The following SPAG16 variants were observed in gnomAD, a reference collection of about 807,000 sequenced individuals.
The protein encoded by SPAG16 is sperm-associated antigen 16 protein.
A neutral mutation model predicts 80.4 loss-of-function variants in SPAG16; 86 were observed. The observed-to-expected ratio is 1.07, with a 90% CI of 0.90 to 1.28. The LOEUF (loss-of-function observed/expected upper bound fraction) is 1.28. SPAG16 is among the 50% of genes most tolerant of loss of function. SPAG16 has a pLI of 0.00. For missense variants in SPAG16, 870 were observed against 765.3 expected, an observed-to-expected ratio of 1.14 and a Z score of -1.61; for synonymous variants, 294 against 265.9, an observed-to-expected ratio of 1.11 and a Z score of -1.03.
intron 13 of SPAG16, among the ~76,000 whole-genome samples, chr2:214,088,877 A>C (rs1318138171): frequency 6.6e-6 from 1 of 152,132 alleles, no homozygotes; most frequent in African/African-American, 2.4e-5. Context: ...CTAGTATAAC[A>C]ATGATACTAA....
At chr2:213,825,447 T>G (rs1455529026) in intron 10 of SPAG16, among the ~76,000 whole-genome samples, 1 of 152,124 alleles carries the variant, frequency 6.6e-6, no homozygotes, top group Non-Finnish European at 1.5e-5. Context: ...ATGTTGAATT[T>G]TATCAAATAC....
At position 214,012,282 on chromosome 2, in the gene SPAG16, A is replaced by ATTTTT. The variant is rs1286363943; in HGVS notation, c.1401-1668_1401-1667insTTTTT. On this transcript the variant is annotated intron_variant, in intron 12 of 15. Transcript: ENST00000331683. ...TACATATATATATATATATATATAT[A>ATTTTT]TATATATTTTTTTTTTTTTTTTTTT... 1.9e-3 allele frequency among the ~76,000 whole-genome samples: 94 copies of ATTTTT among 50,670 alleles called. 1 individual carries two copies. Among genetic ancestry groups the ATTTTT allele is most frequent in the East Asian group, 3.8e-3 (6 of 1,596 alleles). The allele number at this position is 50,670 out of a possible 152,430, so 33.2% of individuals were successfully genotyped here. A position where few individuals can be genotyped will look rare whatever the true frequency, so the allele number is the denominator to read the frequency against.
chr2:214,119,346 A>G (rs1234968832), intron 14 of SPAG16, among the ~76,000 whole-genome samples: 4 of 152,176 alleles, frequency 2.6e-5, no homozygotes, highest in African/African-American at 9.6e-5. Context: ...AAGGAACTAT[A>G]AAAGCTACTT....
intron 10 of SPAG16, among the ~76,000 whole-genome samples, chr2:213,588,499 T>C (rs2060547701): frequency 1.3e-5 from 2 of 151,676 alleles, no homozygotes; most frequent in African/African-American, 4.8e-5. Flanking sequence ...ATAGTGATAT[T>C]GTGATAAGAC....
Position 213,852,013 on chromosome 2 carries a change from A to T in SPAG16, c.1071-10472A>T, listed in dbSNP as rs1337434688. On this transcript the variant is annotated intron_variant, in intron 10 of 15. Transcript: ENST00000331683. The stretch of plus-strand genomic sequence containing the variant: ...TTACTTAGCTGTCTTCTGAAAATGA[A>T]TAAGATCCACTATCTTATTTTGACA... Among the ~76,000 whole-genome samples the T allele has an allele frequency of 2.6e-5, 4 of 152,248 alleles. No individual in the cohort carries two copies. In the East Asian group the frequency reaches 7.7e-4, roughly 29 times the overall value.
intron 10 of SPAG16, among the ~76,000 whole-genome samples, chr2:213,796,253 C>T (rs12991841): frequency 0.25 from 37,711 of 151,926 alleles, 5,230 homozygotes; most frequent in Middle Eastern, 0.37. Flanking sequence ...GTGCAACTAT[C>T]TTCTCAACCT....
chr2:213,824,989 A>G (rs988963926), intron 10 of SPAG16, among the ~76,000 whole-genome samples: 5 of 151,860 alleles, frequency 3.3e-5, no homozygotes, highest in Non-Finnish European at 5.9e-5. Flanking sequence ...AACTATTGTA[A>G]ATGAGATTAC....
intron 15 of SPAG16, among the ~76,000 whole-genome samples, chr2:214,344,381 G>A (rs1314417172): frequency 1.3e-5 from 2 of 152,090 alleles, no homozygotes; most frequent in Non-Finnish European, 2.9e-5. Flanking sequence ...TTTATTTGGG[G>A]TATCAAATTC....
intron 10 of SPAG16, among the ~76,000 whole-genome samples, chr2:213,737,504 T>TTC: frequency 6.6e-6 from 1 of 151,438 alleles, no homozygotes; most frequent in East Asian, 1.9e-4. Flanking sequence ...TTTTTTTTTT[T>TTC]TGAGACGGAG....
At chr2:213,288,941 A>G (rs1026541860) in intron 1 of SPAG16, among the ~76,000 whole-genome samples, 1 of 152,200 alleles carries the variant, frequency 6.6e-6, no homozygotes, top group Admixed American at 6.5e-5. Context: ...CTGCATATAG[A>G]CAGACTAAGA....
intron 10 of SPAG16, among the ~76,000 whole-genome samples, chr2:213,855,329 A>T (rs1337505220): frequency 6.6e-6 from 1 of 152,350 alleles, no homozygotes; most frequent in African/African-American, 2.4e-5. Flanking sequence ...AAAGATATGG[A>T]CTTGAGACAG....
At chr2:214,115,248 CCACAGGTCTCT>C (rs1161215345) in intron 14 of SPAG16, among the ~76,000 whole-genome samples, 5 of 152,148 alleles carry the variant, frequency 3.3e-5, no homozygotes, top group Non-Finnish European at 7.3e-5. Flanking sequence ...GCAGGGACTC[CCACAGGTCTCT>C]TGAGGACATG....
At chr2:213,554,709 C>T (rs990355623) in intron 10 of SPAG16, among the ~76,000 whole-genome samples, 11 of 149,702 alleles carry the variant, frequency 7.3e-5, no homozygotes, top group East Asian at 2.0e-4. Context: ...TGAAAAAATA[C>T]GATGCAATGG....
chr2:213,521,638 T>C (rs542581956), intron 10 of SPAG16, among the ~76,000 whole-genome samples: 1 of 152,342 alleles, frequency 6.6e-6, no homozygotes, highest in Non-Finnish European at 1.5e-5. Context: ...GAACTACTGA[T>C]GTGTTCCTAA....
chr2:213,304,295 G>C (rs1018398391), intron 3 of SPAG16, among the ~76,000 whole-genome samples: 1 of 152,082 alleles, frequency 6.6e-6, no homozygotes, highest in Non-Finnish European at 1.5e-5. Flanking sequence ...CAGATGGATA[G>C]TTTGCATATA....
intron 15 of SPAG16, among the ~76,000 whole-genome samples, chr2:214,371,685 A>ATTTT (rs368005487): frequency 5.6e-5 from 8 of 143,030 alleles, no homozygotes; most frequent in East Asian, 2.1e-4. Context: ...ATAGATAATA[A>ATTTT]TTTTTTTTTT....
chr2:214,035,054 C>G (rs1352350473), intron 13 of SPAG16, among the ~76,000 whole-genome samples: 1 of 152,118 alleles, frequency 6.6e-6, no homozygotes, highest in Admixed American at 6.5e-5. Flanking sequence ...AGGAGACACG[C>G]AGTGGATAGC....
chr2:213,785,026 G>C (rs1168466155), intron 10 of SPAG16, among the ~76,000 whole-genome samples: 2 of 152,080 alleles, frequency 1.3e-5, no homozygotes, highest in East Asian at 3.8e-4. Flanking sequence ...ACATGCTTGT[G>C]TTTGGTATAT....
At chr2:214,401,193 C>A (rs1341347328) in intron 15 of SPAG16, among the ~76,000 whole-genome samples, 1 of 151,902 alleles carries the variant, frequency 6.6e-6, no homozygotes, top group Non-Finnish European at 1.5e-5. Context: ...TAAGTAGTTT[C>A]TTGATACTTT....
Sources: allele counts gnomAD v4.1 joint callset (sites outside exome capture counted in the v4.1 genomes callset), GRCh38; gene constraint gnomAD v4.1.1; transcripts MANE v1.5; gene names NCBI Gene and HGNC (gene_info 2026-07-23, HGNC 2026-07-21).